The following E2F7 variants were observed in gnomAD, a reference collection of about 807,000 sequenced individuals.
E2F7 encodes the protein transcription factor E2F7.
E2F7 carries 35 observed loss-of-function variants against 81.1 expected under a neutral mutation model. That is an observed-to-expected ratio of 0.43 (90% confidence interval 0.33 to 0.57). The LOEUF (loss-of-function observed/expected upper bound fraction) is 0.57. Ranked by LOEUF, E2F7 falls within the 20% of genes least tolerant of loss-of-function variation. E2F7 has a pLI of 0.04. For missense variants in E2F7, 961 were observed against 1,093.7 expected, an observed-to-expected ratio of 0.88 and a Z score of 1.71; for synonymous variants, 416 against 416.2, an observed-to-expected ratio of 1.00 and a Z score of 0.01.
intron 5 of E2F7, among the ~76,000 whole-genome samples, chr12:77,045,206 C>G (rs1352980706): frequency 6.6e-6 from 1 of 152,202 alleles, no homozygotes; most frequent in African/African-American, 2.4e-5. Flanking sequence ...TTTTATTTCT[C>G]TGTGTCCGCA....
At chr12:77,053,060 TG>T (rs1200572568) in intron 3 of E2F7, among the ~76,000 whole-genome samples, 1 of 152,138 alleles carries the variant, frequency 6.6e-6, no homozygotes, top group Non-Finnish European at 1.5e-5. Context: ...TATATATTTC[TG>T]GGGGGAGGCA....
chr12:77,060,473 C>CGATACAGCTTT (rs1363729031), intron 2 of E2F7, among the ~76,000 whole-genome samples: 1 of 152,096 alleles, frequency 6.6e-6, no homozygotes. Flanking sequence ...CTCCTGTGTC[C>CGATACAGCTTT]GATACAGCTT....
chr12:77,043,292 A>C, intron 6 of E2F7, 93 bp from the exon 7 acceptor site: 1 of 1,557,990 alleles, frequency 6.4e-7, no homozygotes, highest in Non-Finnish European at 8.8e-7. Flanking sequence ...GCTGCCATAT[A>C]AACCTCAGGT....
intron 4 of E2F7, among the ~76,000 whole-genome samples, chr12:77,048,552 C>T (rs12427290): frequency 0.33 from 50,766 of 152,070 alleles, 8,697 homozygotes; most frequent in African/African-American, 0.41. Context: ...ATGCTCTGCA[C>T]GTCCTTAGTT....
chr12:77,033,978 C>T lies in E2F7; in HGVS notation c.1188G>A (p.Gln396=). Residue 396 remains glutamine, a synonymous_variant, in exon 8 of 13, where the codon CAG becomes CAA. Coordinates refer to ENST00000322886, the MANE Select transcript of E2F7 (RefSeq NM_203394.3). ...GCTTCTGTTTTGCACAGACTTGAAT[C>T]TGGCCATATGTTTCTCTTTTCAATT... ...LPELKRETYG[Q]IQVCAKQKLA... 3 of 1,614,202 alleles carry T rather than the reference C, an allele frequency of 1.9e-6. No homozygotes were observed. Among genetic ancestry groups the T allele is most frequent in the Non-Finnish European group, 2.5e-6 (3 of 1,180,022 alleles).
At chr12:77,031,564 C>T (rs531950760) in intron 9 of E2F7, among the ~76,000 whole-genome samples, 2 of 152,278 alleles carry the variant, frequency 1.3e-5, no homozygotes, top group South Asian at 4.1e-4. Flanking sequence ...TCGCTTGAAC[C>T]CGGGAGGCGG....
At position 77,043,115 on chromosome 12, in the gene E2F7, C is replaced by T; in HGVS notation, c.1073G>A (p.Gly358Asp). Residue 358 changes from glycine (G) to aspartate (D), a missense_variant, in exon 7 of 13, where the codon GGT (glycine) becomes GAT (aspartate). By Grantham distance (94) the Gly-to-Asp change is moderately conservative. Transcript: ENST00000322886. ...IKKVHVTEER[G>D]RKPAFKWIGP... The stretch of plus-strand genomic sequence containing the variant: ...GATCCACTTGAAGGCTGGTTTACGA[C>T]CTCGCTCTTCTGTTACATGCACTTT... 6.2e-7 allele frequency: 1 copy of T among 1,614,170 alleles called. No individual in the cohort carries two copies.
At position 77,024,078 on chromosome 12, in the gene E2F7, G is replaced by A; in HGVS notation, c.2673C>T (p.Asn891=). 3.1e-6 allele frequency: 5 copies of A among 1,614,062 alleles called. No homozygotes were observed. Among genetic ancestry groups the A allele is most frequent in the Non-Finnish European group, 4.2e-6 (5 of 1,180,014 alleles). ...GGGCCGAGCTGGTGTTTCGTGACTG[G>A]TTCCTTTCTCTTCTCTTCAGGACAG... ...GDPVLKRRER[N]QSRNTSSAQR... The change falls in exon 13 of 13, where the codon AAC becomes AAT. Residue 891 remains asparagine, a synonymous_variant. Coordinates refer to ENST00000322886, the MANE Select transcript of E2F7 (RefSeq NM_203394.3).
chr12:77,052,599 G>A (rs1271378668), intron 3 of E2F7, among the ~76,000 whole-genome samples: 1 of 152,136 alleles, frequency 6.6e-6, no homozygotes, highest in Non-Finnish European at 1.5e-5. Flanking sequence ...TGAAGAAAAT[G>A]AAGGAGAATA....
At position 77,023,996 on chromosome 12, in the gene E2F7, C is replaced by G. The variant is rs183049485; in HGVS notation, c.*19G>C. 5.9e-4 allele frequency: 955 copies of G among 1,611,678 alleles called. 13 individuals carry two copies. In the East Asian group the frequency reaches 0.02, roughly 33 times the overall value. On this transcript the variant is annotated 3_prime_UTR_variant, in exon 13 of 13. Coordinates refer to ENST00000322886, the MANE Select transcript of E2F7 (RefSeq NM_203394.3). ...CTCTCAGGGCGTTTGATCCCACCCC[C>G]ACCTGGCAAAGCGGCAGGTTAGTCA...
chr12:77,025,757 C>T lies in E2F7; in HGVS notation c.2366G>A (p.Gly789Glu), dbSNP rs532446600. The T allele has an allele frequency of 2.3e-4, 364 of 1,614,038 alleles. 1 individual carries two copies. In the South Asian group the frequency reaches 3.8e-3, roughly 17 times the overall value. Residue 789 changes from glycine (G) to glutamate (E), a missense_variant, in exon 12 of 13, where the codon GGA becomes GAA. Around this residue, in one of 3 missense-constraint regions of E2F7, gnomAD observed 587 missense variants for 620.3 expected, o/e 0.95. Transcript: ENST00000322886. Reference sequence around the variant, plus strand: ...GCCGACGAGAAGCTGGGCTATTGATCCAAGGCCAGGCAAGCTGAAATTCAC... The same window carrying T: ...GCCGACGAGAAGCTGGGCTATTGATTCAAGGCCAGGCAAGCTGAAATTCAC... ...GPVNFSLPGL[G>E]SIAQLLVGPT...
intron 3 of E2F7, among the ~76,000 whole-genome samples, chr12:77,053,127 G>T (rs1022021294): frequency 3.3e-5 from 5 of 152,126 alleles, no homozygotes; most frequent in Non-Finnish European, 7.4e-5. Flanking sequence ...TATATCTAAT[G>T]ACGTAGCACC....
rs949560985 is a variant in E2F7, at chr12:77,046,979, T to C, written c.539-651A>G. Among the ~76,000 whole-genome samples the C allele has an allele frequency of 3.0e-4, 45 of 152,194 alleles. 1 individual carries two copies. The highest frequency in any genetic ancestry group is 2.4e-3 in the Admixed American group (37 of 15,282). On this transcript the variant is annotated intron_variant, in intron 4 of 12. Transcript: ENST00000322886. ...AGCCAGAGCTGGGGTTGGAACAACA[T>C]GGGAGTCTCCTTTTGTTCATCATGG...
intron 2 of E2F7, among the ~76,000 whole-genome samples, chr12:77,059,237 T>A (rs1401033341): frequency 1.3e-5 from 2 of 152,036 alleles, no homozygotes; most frequent in African/African-American, 4.8e-5. Flanking sequence ...GAAAAAAAAA[T>A]GCCAACCCAA....
rs556404469 is a variant in E2F7 at position 77,036,725 on chromosome 12, C to T, written c.1124-2683G>A. Among the ~76,000 whole-genome samples the T allele has an allele frequency of 3.9e-4, 59 of 151,176 alleles. 1 individual carries two copies. In the Middle Eastern group the frequency reaches 0.017, roughly 44 times the overall value. On this transcript the variant is annotated intron_variant, in intron 7 of 12. Coordinates refer to ENST00000322886, the MANE Select transcript of E2F7 (RefSeq NM_203394.3). Reference sequence around the variant, plus strand: ...TACAGGCATGGGCGATACCACCTGGCGTCAACCTAGAATTCTCCATTTTTT... The same window carrying T: ...TACAGGCATGGGCGATACCACCTGGTGTCAACCTAGAATTCTCCATTTTTT...
intron 7 of E2F7, among the ~76,000 whole-genome samples, chr12:77,042,545 TATG>T (rs1342041464): frequency 6.6e-6 from 1 of 152,214 alleles, no homozygotes; most frequent in African/African-American, 2.4e-5. Context: ...TTTGTAAAAT[TATG>T]ATATTTATAA....
chr12:77,035,412 T>A (rs552783153), intron 7 of E2F7, among the ~76,000 whole-genome samples: 1 of 152,138 alleles, frequency 6.6e-6, no homozygotes, highest in Non-Finnish European at 1.5e-5. Context: ...ATGCAGCTCA[T>A]ATAGGACTGG....
intron 4 of E2F7, 66 bp from the exon 5 acceptor site, chr12:77,046,394 G>A: frequency 1.3e-6 from 2 of 1,530,486 alleles, no homozygotes; most frequent in South Asian, 2.5e-5. Context: ...AGTTCCTTGA[G>A]GGCCTGGACT....
chr12:77,033,675 C>T (rs1868353), intron 8 of E2F7, among the ~76,000 whole-genome samples, 182 bp downstream of exon 8: 28,968 of 152,174 alleles, frequency 0.19, 3,286 homozygotes, highest in African/African-American at 0.31. Context: ...ACTGTGATAT[C>T]AGCATCTCCT....
Sources: allele counts gnomAD v4.1 joint callset (sites outside exome capture counted in the v4.1 genomes callset), GRCh38; gene constraint gnomAD v4.1.1; regional missense constraint gnomAD v4.1.1; transcripts MANE v1.5; gene names NCBI Gene and HGNC (gene_info 2026-07-23, HGNC 2026-07-21).